ASAH2B: variants seen among roughly 807,000 people sequenced by gnomAD.
ASAH2B encodes putative inactive neutral ceramidase B.
Under a neutral mutation model 2.9 loss-of-function variants are expected in ASAH2B, and 1 was observed. That is an observed-to-expected ratio of 0.34 (90% CI 0.12 to 1.63). The LOEUF (loss-of-function observed/expected upper bound fraction) is 1.63. Ranked by LOEUF, ASAH2B falls within the 40% of genes most tolerant of loss-of-function variation. ASAH2B has a pLI of 0.36. For synonymous variants in ASAH2B, 4 were observed against 13.3 expected (o/e 0.30, Z 1.52); for missense variants, 9 against 37.7 (o/e 0.24, Z 1.99).
chr10:50,744,621 T>C (rs1839881082), intron 2 of ASAH2B: 1 of 151,530 alleles, frequency 6.6e-6, no homozygotes, highest in African/African-American at 2.5e-5. Context: ...GCAATATAGA[T>C]TAAACCAGTC....
chr10:50,740,646 A>G (rs1316791472), intron 1 of ASAH2B, among the ~76,000 whole-genome samples: 1 of 152,244 alleles, frequency 6.6e-6, no homozygotes, highest in Non-Finnish European at 1.5e-5. Context: ...CATCATAGAT[A>G]GACCAAACAT....
chr10:50,754,340 C>T (rs1414686060), intron 5 of ASAH2B, among the ~76,000 whole-genome samples: 5 of 114,446 alleles, frequency 4.4e-5, no homozygotes, highest in Non-Finnish European at 7.0e-5. Context: ...AAAGCTGTTT[C>T]TACAAATTGC....
intron 1 of ASAH2B, among the ~76,000 whole-genome samples, chr10:50,740,473 G>C (rs367669927): frequency 6.6e-6 from 1 of 152,082 alleles, no homozygotes; most frequent in Non-Finnish European, 1.5e-5. Context: ...TTCTGTTTCC[G>C]CTCGTGTTGT....
rs182651745 is a variant in ASAH2B, at chr10:50,759,183, C to T, written c.*4443C>T. ...TTTATACTTGTATTAGCATTTTTCC[C>T]CCTTGACATCAATGTCCTTGAATGT... On this transcript the variant is annotated 3_prime_UTR_variant, in exon 6 of 6. Transcript: ENST00000647317. 4.8e-5 allele frequency: 4 copies of T among 82,500 alleles called. 2 individuals carry two copies. In the East Asian group the frequency reaches 4.5e-3, roughly 92 times the overall value. The allele number at this position is 82,500 out of a possible 1,614,324, so 5.1% of individuals were successfully genotyped here.
At chr10:50,747,098 A>G (rs1271320849) in intron 3 of ASAH2B, among the ~76,000 whole-genome samples, 2 of 148,596 alleles carry the variant, frequency 1.3e-5, no homozygotes, top group Non-Finnish European at 3.0e-5. Flanking sequence ...AACATCATGG[A>G]ACTTTTCCTC....
At chr10:50,746,716 T>G (rs1839910948) in intron 3 of ASAH2B, among the ~76,000 whole-genome samples, 1 of 147,820 alleles carries the variant, frequency 6.8e-6, no homozygotes, top group East Asian at 1.9e-4. Flanking sequence ...GGTGATATCT[T>G]GTTGTAGTTT....
intron 1 of ASAH2B, among the ~76,000 whole-genome samples, chr10:50,740,428 G>A (rs7089955): frequency 0.41 from 62,318 of 151,774 alleles, 14,569 homozygotes; most frequent in Admixed American, 0.57. Flanking sequence ...ACTCCCAGCC[G>A]GTGTTCCTTG....
chr10:50,740,121 C>T (rs889690197), intron 1 of ASAH2B, 138 bp downstream of exon 1: 2 of 152,402 alleles, frequency 1.3e-5, no homozygotes, highest in Non-Finnish European at 2.9e-5. Context: ...GCATATTTCA[C>T]CTTTAACGGA....
intron 1 of ASAH2B, among the ~76,000 whole-genome samples, chr10:50,740,710 C>T (rs558264530): frequency 1.3e-5 from 2 of 152,264 alleles, no homozygotes; most frequent in Non-Finnish European, 2.9e-5. Context: ...CACCCTTTCC[C>T]GCTTTTTTTC....
chr10:50,746,396 C>T (rs1337891541), intron 3 of ASAH2B, among the ~76,000 whole-genome samples: 1 of 151,542 alleles, frequency 6.6e-6, no homozygotes, highest in African/African-American at 2.4e-5. Context: ...TTTATCCATT[C>T]ATCCATTGAT....
intron 3 of ASAH2B, among the ~76,000 whole-genome samples, chr10:50,748,590 G>A (rs1180227097): frequency 6.6e-6 from 1 of 151,244 alleles, no homozygotes. Context: ...TTATATGCAT[G>A]CAAACTTGAG....
intron 3 of ASAH2B, among the ~76,000 whole-genome samples, chr10:50,745,749 T>G (rs1839896457): frequency 6.7e-6 from 1 of 148,680 alleles, no homozygotes; most frequent in South Asian, 2.1e-4. Flanking sequence ...AAAAATAAGC[T>G]TATTTATTCC....
intron 3 of ASAH2B, among the ~76,000 whole-genome samples, chr10:50,748,048 A>G (rs1486005246): frequency 2.0e-5 from 3 of 150,364 alleles, no homozygotes; most frequent in African/African-American, 7.3e-5. Flanking sequence ...TACTAATTCA[A>G]TTTCTTTACT....
At chr10:50,744,932 A>G (rs981326916) in intron 2 of ASAH2B, among the ~76,000 whole-genome samples, 196 bp from the exon 3 acceptor site, 2 of 150,298 alleles carry the variant, frequency 1.3e-5, no homozygotes, top group Non-Finnish European at 3.0e-5. Context: ...CCCAGTGACA[A>G]GAGTTTAAAT....
chr10:50,758,676 T>G lies in ASAH2B; in HGVS notation c.*3936T>G, dbSNP rs1171368733. The G allele has an allele frequency of 3.3e-5, 5 of 152,148 alleles. No individual in the cohort carries two copies. Among genetic ancestry groups the G allele is most frequent in the Non-Finnish European group, 7.4e-5 (5 of 67,980 alleles). 9.4% of individuals were successfully genotyped at this position (152,148 alleles called of 1,614,324 possible). ...AAAAATTGCTTTCTGTATTGCAAAA[T>G]GTATACGTTCCTTTAACAGATTTAT... On this transcript the variant is annotated 3_prime_UTR_variant, in exon 6 of 6. Coordinates refer to ENST00000647317, the MANE Select transcript of ASAH2B (RefSeq NM_001321958.2).
At chr10:50,747,305 G>GC (rs1414084747) in intron 3 of ASAH2B, among the ~76,000 whole-genome samples, 1 of 151,350 alleles carries the variant, frequency 6.6e-6, no homozygotes, top group Non-Finnish European at 1.5e-5. Flanking sequence ...AAATGTGAGG[G>GC]CTTATTTCTG....
chr10:50,743,785 C>A (rs1483593586), intron 2 of ASAH2B: 1 of 149,910 alleles, frequency 6.7e-6, no homozygotes, highest in Non-Finnish European at 1.5e-5. Context: ...AATAAGCAGC[C>A]CCTTATATAA....
intron 1 of ASAH2B, among the ~76,000 whole-genome samples, chr10:50,740,564 G>A (rs1839814948): frequency 6.6e-6 from 1 of 152,208 alleles, no homozygotes; most frequent in Non-Finnish European, 1.5e-5. Context: ...TTATTGCACG[G>A]AAGGTACTAG....
At chr10:50,740,409 G>C (rs1263793521) in intron 1 of ASAH2B, among the ~76,000 whole-genome samples, 1 of 152,174 alleles carries the variant, frequency 6.6e-6, no homozygotes, top group Non-Finnish European at 1.5e-5. Flanking sequence ...CTAGTGCCCA[G>C]CTCTCCTAAC....
Sources: gnomAD v4.1 joint callset for allele counts (sites outside exome capture counted in the v4.1 genomes callset) on GRCh38, gnomAD v4.1.1 for gene constraint, MANE v1.5 for transcripts, NCBI Gene and HGNC (gene_info 2026-07-23, HGNC 2026-07-21) for gene names.